The following CELSR1 variants were observed in gnomAD, a reference collection of about 807,000 sequenced individuals.
The protein encoded by CELSR1 is cadherin EGF LAG seven-pass G-type receptor 1, also known as adhesion G protein-coupled receptor C1.
CELSR1 carries 110 observed loss-of-function variants against 249.1 expected under a neutral mutation model. That is an observed-to-expected ratio of 0.44 (90% CI 0.38 to 0.52). The LOEUF (loss-of-function observed/expected upper bound fraction) is 0.52. Among genes scored for constraint, CELSR1 ranks in the 20% least tolerant of loss-of-function variants. The pLI, the probability that CELSR1 is intolerant of heterozygous loss-of-function variation, is 0.00. For synonymous variants in CELSR1, 2,113 were observed against 1,900.0 expected, an observed-to-expected ratio of 1.11 and a Z score of -2.92; for missense variants, 4,109 against 4,296.4, an observed-to-expected ratio of 0.96 and a Z score of 1.22.
At chr22:46,378,787 C>T (rs1239543741) in intron 22 of CELSR1, 70 bp from the exon 23 acceptor site, 17 of 1,548,694 alleles carry the variant, frequency 1.1e-5, no homozygotes, top group Non-Finnish European at 1.4e-5. Context: ...AAAGGGCAGC[C>T]TTTGCCCAGC....
At chr22:46,529,691 T>G (rs2080772831) in intron 1 of CELSR1, among the ~76,000 whole-genome samples, 1 of 151,818 alleles carries the variant, frequency 6.6e-6, no homozygotes, top group African/African-American at 2.4e-5. Flanking sequence ...TAATCCAATG[T>G]ACTCAGGAGG....
At chr22:46,364,769 G>C (rs572542680) in intron 32 of CELSR1, 33 bp from the exon 33 acceptor site, 3 of 1,588,506 alleles carry the variant, frequency 1.9e-6, no homozygotes, top group Non-Finnish European at 2.6e-6. Flanking sequence ...AGCAGGCAGC[G>C]GCACTGCCAC....
chr22:46,386,602 C>T lies in CELSR1; in HGVS notation c.6556-17G>A. 6.4e-7 allele frequency: 1 copy of T among 1,566,746 alleles called. No homozygotes were observed. Among genetic ancestry groups the T allele is most frequent in the Non-Finnish European group, 8.6e-7 (1 of 1,164,606 alleles). ...GATGACGTCCTGGTCAGACAGACAG[C>T]ACTCAGTACTCAGCCTGCGGAGGCC... On this transcript the variant is annotated splice_polypyrimidine_tract_variant and intron_variant, in intron 18 of 34. Transcript: ENST00000674500.
chr22:46,363,393 T>C lies in CELSR1; in HGVS notation c.9036-146A>G. 1.5e-6 allele frequency: 1 copy of C among 648,914 alleles called. No individual in the cohort carries two copies. Among genetic ancestry groups the C allele is most frequent in the South Asian group, 1.8e-5 (1 of 55,318 alleles). 40.2% of individuals were successfully genotyped at this position (648,914 alleles called of 1,614,324 possible). ...GGGCTCCAGGGAGGGCAAGCTCATG[T>C]TGGATGAGGCTGCCCTTGGGAGGCA... is the stretch of plus-strand genomic sequence containing the variant. On this transcript the variant is annotated intron_variant, in intron 34 of 34. Transcript: ENST00000674500. The surrounding 1 kb of genome is among the most constrained non-coding windows in gnomAD (Gnocchi z 4.3).
At chr22:46,368,614 A>C (rs2078814728) in intron 27 of CELSR1, among the ~76,000 whole-genome samples, 1 of 140,854 alleles carries the variant, frequency 7.1e-6, no homozygotes, top group Non-Finnish European at 1.5e-5. Flanking sequence ...TTGTTGTCTG[A>C]CAGATGCCCC....
chr22:46,530,372 T>C (rs2080779829), intron 1 of CELSR1: 1 of 149,380 alleles, frequency 6.7e-6, no homozygotes, highest in Non-Finnish European at 1.5e-5. Flanking sequence ...TAATTCATTA[T>C]ATATAAATTG....
Position 46,536,196 on chromosome 22 carries a change from G to C in CELSR1, c.975C>G (p.Ala325=). ...AGCGCGGCGGCGTACTGTAGTCCAC[G>C]GCTTTCACCCTGAGGACGTGCGTCT... ...TKETHVLRVK[A]VDYSTPPRSA... Residue 325 remains alanine, a synonymous_variant, in exon 1 of 35, where the codon GCC becomes GCG. Transcript: ENST00000674500. 1 of 1,612,788 alleles carries C rather than the reference G, an allele frequency of 6.2e-7. No individual in the cohort carries two copies.
chr22:46,409,226 C>A lies in CELSR1; in HGVS notation c.5060-64G>T, dbSNP rs115593147. 2 of 1,570,912 alleles carry A rather than the reference C, an allele frequency of 1.3e-6. No individual in the cohort carries two copies. Among genetic ancestry groups the A allele is most frequent in the Non-Finnish European group, 1.7e-6 (2 of 1,152,926 alleles). The stretch of plus-strand genomic sequence containing the variant: ...AATCACACGGCCGCGGACTTGGCTG[C>A]AGGGGCGGGGGATGGGCCTGCAGGC... On this transcript the variant is annotated intron_variant, in intron 8 of 34. Transcript: ENST00000674500. The surrounding 1 kb of genome is among the most constrained non-coding windows in gnomAD (Gnocchi z 9.8).
intron 1 of CELSR1, among the ~76,000 whole-genome samples, chr22:46,510,300 A>G (rs1489335451): frequency 6.6e-6 from 1 of 152,180 alleles, no homozygotes; most frequent in East Asian, 1.9e-4. Context: ...CAGAGGCCAG[A>G]ACACACCCCC....
rs930226619 is a variant in CELSR1, at chr22:46,518,476, C to T, written c.3544+15151G>A. ...CAGATCCCACTGAGAAGGGAGGCCT[C>T]GGTTATCTGATTTAACACGAAGAAA... On this transcript the variant is annotated intron_variant, in intron 1 of 34. Transcript: ENST00000674500. This position sits in a 1 kb window ranked among gnomAD's most constrained non-coding sequence, Gnocchi z 5.2. Among the ~76,000 whole-genome samples the T allele has an allele frequency of 4.6e-5, 7 of 152,310 alleles. No homozygotes were observed. Among genetic ancestry groups the T allele is most frequent in the South Asian group, 4.1e-4 (2 of 4,824 alleles).
At chr22:46,439,468 C>A in intron 2 of CELSR1, 57 bp from the exon 3 acceptor site, 1 of 1,466,538 alleles carries the variant, frequency 6.8e-7, no homozygotes. Flanking sequence ...AGGGAAAAGC[C>A]AACGAGCCTG....
At chr22:46,483,814 C>T (rs544672596) in intron 1 of CELSR1, among the ~76,000 whole-genome samples, 23 of 152,276 alleles carry the variant, frequency 1.5e-4, no homozygotes, top group Non-Finnish European at 2.6e-4. Flanking sequence ...GGCCTGCAGT[C>T]TCCACGTGTC....
chr22:46,488,414 C>G lies in CELSR1; in HGVS notation c.3545-24069G>C, dbSNP rs995540862. ...TCGCCTACAGCCGGCGAGTGCAGCA[C>G]AGGAGGCCACCGTAGTGCCATAGAG... On this transcript the variant is annotated intron_variant, in intron 1 of 34. Coordinates refer to ENST00000674500, the MANE Select transcript of CELSR1 (RefSeq NM_001378328.1). This position sits in a 1 kb window ranked among gnomAD's most constrained non-coding sequence, Gnocchi z 4.7. 1.3e-5 allele frequency among the ~76,000 whole-genome samples: 2 copies of G among 152,154 alleles called. No homozygotes were observed. The highest frequency in any genetic ancestry group is 4.8e-5 in the African/African-American group (2 of 41,422).
At chr22:46,366,883 C>T in intron 29 of CELSR1, 110 bp downstream of exon 29, 1 of 1,423,762 alleles carries the variant, frequency 7.0e-7, no homozygotes. Flanking sequence ...GCCATCCCCA[C>T]CGTGAGGGGC....
intron 2 of CELSR1, among the ~76,000 whole-genome samples, chr22:46,452,801 C>T (rs764601758): frequency 2.1e-4 from 32 of 152,348 alleles, no homozygotes; most frequent in African/African-American, 7.2e-4. Context: ...GTGAGGGGGA[C>T]GCAGACTTCA....
rs756350195 is a variant in CELSR1 at position 46,367,720 on chromosome 22, G to A, written c.8079+9C>T. ...CAGGGGTCCCGCGGGCAACTCGGCC[G>A]TCACCTACCTGTAAGCCGCTGAAGA... On this transcript the variant is annotated intron_variant, in intron 28 of 34. Coordinates refer to ENST00000674500, the MANE Select transcript of CELSR1 (RefSeq NM_001378328.1). 87 of 1,590,102 alleles carry A rather than the reference G, an allele frequency of 5.5e-5. No individual in the cohort carries two copies. The highest frequency in any genetic ancestry group is 3.4e-4 in the Admixed American group (19 of 55,934).
At chr22:46,532,955 G>A (rs1450169867) in intron 1 of CELSR1, among the ~76,000 whole-genome samples, 4 of 152,152 alleles carry the variant, frequency 2.6e-5, no homozygotes, top group African/African-American at 9.7e-5. Flanking sequence ...TGAGCGAGGT[G>A]CCCACACTGG....
Position 46,367,031 on chromosome 22 carries a change from G to A in CELSR1, c.8167C>T (p.Leu2723=), listed in dbSNP as rs929073974. The change falls in exon 29 of 35, where the codon CTG becomes TTG. Residue 2723 remains leucine, a synonymous_variant. Coordinates refer to ENST00000674500, the MANE Select transcript of CELSR1 (RefSeq NM_001378328.1). ...GCCCTGGTGGTGGCGGAGTCCTCCA[G>A]GTGCAGCTTCCTCCCGCCGAGCACG... ...KGVLGGRKLH[L]EDSATTRATL... 1.2e-6 allele frequency: 2 copies of A among 1,610,688 alleles called. No homozygotes were observed. The highest frequency in any genetic ancestry group is 1.3e-5 in the African/African-American group (1 of 74,858).
chr22:46,365,660 G>C lies in CELSR1; in HGVS notation c.8330C>G (p.Ser2777Cys). ...GTGGCTGCCCCTCACCAGCCCAGAGGACACGCCGAGCTTCTGGATCCCTTC... is the reference window on the plus strand; with the variant it reads ...GTGGCTGCCCCTCACCAGCCCAGAGCACACGCCGAGCTTCTGGATCCCTTC... ...RDEGIQKLGV[S>C]SGLVRGSHGE... The change falls in exon 31 of 35, where the codon TCC (serine) becomes TGC (cysteine). Residue 2777 changes from serine to cysteine, a missense_variant. Physicochemically the swap from Ser to Cys is moderately radical, Grantham distance 112 (BLOSUM62 -1). Coordinates refer to ENST00000674500, the MANE Select transcript of CELSR1 (RefSeq NM_001378328.1). 1 of 1,584,778 alleles carries C rather than the reference G, an allele frequency of 6.3e-7. No individual in the cohort carries two copies. Among genetic ancestry groups the C allele is most frequent in the Non-Finnish European group, 8.6e-7 (1 of 1,165,948 alleles).
Sources: gnomAD v4.1 joint callset for allele counts (sites outside exome capture counted in the v4.1 genomes callset) on GRCh38, gnomAD v4.1.1 for gene constraint, Gnocchi (gnomAD v3.1) non-coding constraint, MANE v1.5 for transcripts, NCBI Gene and HGNC (gene_info 2026-07-23, HGNC 2026-07-21) for gene names.